VRK2: variants seen among roughly 807,000 people sequenced by gnomAD.
The protein encoded by VRK2 is serine/threonine-protein kinase VRK2.
In VRK2, 60 loss-of-function variants were observed where a neutral mutation model predicts 57.6. The ratio of observed to expected loss-of-function variants is 1.04; its 90% CI spans 0.85 to 1.29. VRK2 has a LOEUF of 1.29. Ranked by LOEUF, VRK2 falls within the 50% of genes most tolerant of loss-of-function variation. The pLI is 0.00. For synonymous variants in VRK2, 231 were observed against 199.2 expected (o/e 1.16, Z -1.35); for missense variants, 705 against 588.1 (o/e 1.20, Z -2.06).
upstream of VRK2, chr2:58,046,793 C>G: frequency 1.0e-6 from 1 of 985,604 alleles, no homozygotes; most frequent in Non-Finnish European, 1.2e-6. Flanking sequence ...GACTGTAGGC[C>G]CGGGGGCTCC....
At chr2:58,147,246 T>C (rs1682304120) in intron 12 of VRK2, 1 of 514,132 alleles carries the variant, frequency 1.9e-6, no homozygotes, top group South Asian at 1.4e-5. Context: ...ATTAGAAGCA[T>C]AGTACTTATG....
intron 7 of VRK2, among the ~76,000 whole-genome samples, chr2:58,095,358 A>T (rs1305519306): frequency 6.6e-6 from 1 of 151,164 alleles, no homozygotes; most frequent in African/African-American, 2.4e-5. Flanking sequence ...TTTAAAATTG[A>T]TTTGGGGGAG....
intron 11 of VRK2, among the ~76,000 whole-genome samples, chr2:58,144,943 A>C (rs1681891450): frequency 6.6e-6 from 1 of 151,992 alleles, no homozygotes; most frequent in Admixed American, 6.6e-5. Context: ...AAAGCTAAAA[A>C]TTGAGAGACT....
At chr2:57,990,021 C>T (rs538538792) in intron 1 of VRK2, among the ~76,000 whole-genome samples, 1 of 152,208 alleles carries the variant, frequency 6.6e-6, no homozygotes, top group South Asian at 2.1e-4. Flanking sequence ...AAGGAGTCTG[C>T]AAAGCCACAC....
At chr2:57,911,331 A>G (rs377759943) in intron 1 of VRK2, among the ~76,000 whole-genome samples, 13 of 152,152 alleles carry the variant, frequency 8.5e-5, no homozygotes, top group African/African-American at 1.7e-4. Context: ...GTTAAGTTCC[A>G]TGGTTAAATA....
intron 10 of VRK2, among the ~76,000 whole-genome samples, chr2:58,135,433 G>A (rs943056103): frequency 1.2e-4 from 17 of 145,988 alleles, no homozygotes; most frequent in African/African-American, 3.9e-4. Context: ...TCTAGGTTCT[G>A]CTTAGTGCTT....
intron 7 of VRK2, among the ~76,000 whole-genome samples, chr2:58,097,774 T>C (rs1673364703): frequency 6.6e-6 from 1 of 152,174 alleles, no homozygotes; most frequent in Admixed American, 6.5e-5. Context: ...TATGAAAGTA[T>C]AGCACGTAAC....
At chr2:58,102,170 CAATG>C (rs1271185598) in intron 7 of VRK2, among the ~76,000 whole-genome samples, 4 of 151,498 alleles carry the variant, frequency 2.6e-5, no homozygotes, top group African/African-American at 7.3e-5. Context: ...GAGAAACTGA[CAATG>C]GGAACTGCTG....
At chr2:57,957,253 A>G (rs1315632398) in intron 1 of VRK2, among the ~76,000 whole-genome samples, 1 of 152,140 alleles carries the variant, frequency 6.6e-6, no homozygotes, top group African/African-American at 2.4e-5. Context: ...AATAATTCTC[A>G]CTGTACTTTA....
chr2:58,113,686 G>C (rs58799338), intron 7 of VRK2, among the ~76,000 whole-genome samples: 3 of 152,162 alleles, frequency 2.0e-5, no homozygotes, highest in Admixed American at 6.5e-5. Flanking sequence ...AAATTCACAC[G>C]GTTAATCACT....
intron 1 of VRK2, among the ~76,000 whole-genome samples, chr2:57,920,366 T>A (rs917142124): frequency 6.6e-6 from 1 of 152,108 alleles, no homozygotes; most frequent in Non-Finnish European, 1.5e-5. Context: ...AATACAGAAT[T>A]TCAATAAGAG....
At chr2:58,094,663 GCT>G (rs1441533202) in intron 7 of VRK2, among the ~76,000 whole-genome samples, 1 of 151,878 alleles carries the variant, frequency 6.6e-6, no homozygotes, top group Non-Finnish European at 1.5e-5. Context: ...TAAACTTAAA[GCT>G]CTCTTATTCA....
chr2:57,928,551 C>A (rs569693907), intron 1 of VRK2, among the ~76,000 whole-genome samples: 3 of 152,022 alleles, frequency 2.0e-5, no homozygotes, highest in Non-Finnish European at 4.4e-5. Context: ...TTATTTAGTT[C>A]ATTTGGTGAG....
intron 10 of VRK2, among the ~76,000 whole-genome samples, chr2:58,137,120 T>TC (rs1424862412): frequency 2.4e-4 from 26 of 108,884 alleles, no homozygotes; most frequent in Non-Finnish European, 3.0e-4. Flanking sequence ...ATATATCATA[T>TC]ATGTGTATAT....
intron 1 of VRK2, among the ~76,000 whole-genome samples, chr2:57,987,511 T>C (rs1019912085): frequency 6.6e-6 from 1 of 152,218 alleles, no homozygotes; most frequent in East Asian, 1.9e-4. Flanking sequence ...TACCAGTTCC[T>C]GATGTGGGTG....
chr2:57,973,157 A>G (rs1203883294), intron 1 of VRK2, among the ~76,000 whole-genome samples: 1 of 151,856 alleles, frequency 6.6e-6, no homozygotes, highest in Non-Finnish European at 1.5e-5. Flanking sequence ...AAGAGTGCCT[A>G]TTTCCTCACA....
chr2:58,143,025 C>G (rs2104627493), intron 11 of VRK2, among the ~76,000 whole-genome samples: 1 of 151,884 alleles, frequency 6.6e-6, no homozygotes, highest in East Asian at 1.9e-4. Context: ...TCTGAGGCTC[C>G]CATAGCATAT....
chr2:57,911,240 T>C (rs908810236), intron 1 of VRK2, among the ~76,000 whole-genome samples: 6 of 152,298 alleles, frequency 3.9e-5, no homozygotes, highest in African/African-American at 1.4e-4. Flanking sequence ...ATGCTTTTTG[T>C]GACTCTGTGT....
Position 58,086,399 on chromosome 2 carries a change from C to T in VRK2, c.317C>T (p.Ser106Phe), listed in dbSNP as rs1299550885. The T allele has an allele frequency of 6.2e-7, 1 of 1,600,512 alleles. No homozygotes were observed. The highest frequency in any genetic ancestry group is 1.1e-5 in the South Asian group (1 of 87,810). ...DYLGIPLFYG[S>F]GLTEFKGRSY... ...TTAGGAATTCCTCTGTTTTATGGAT[C>T]TGGTCTGACTGAATTCAAGGGAAGA... is the stretch of plus-strand genomic sequence containing the variant. Residue 106 changes from serine to phenylalanine, a missense_variant, in exon 5 of 13, where the codon TCT becomes TTT. Physicochemically the swap from Ser to Phe is radical, Grantham distance 155. Coordinates refer to ENST00000340157, the MANE Select transcript of VRK2 (RefSeq NM_006296.7).
Sources: allele counts gnomAD v4.1 joint callset (sites outside exome capture counted in the v4.1 genomes callset), GRCh38; gene constraint gnomAD v4.1.1; transcripts MANE v1.5; gene names NCBI Gene and HGNC (gene_info 2026-07-23, HGNC 2026-07-21).